Variants in NRXN1 observed in about 807,000 individuals in gnomAD.
The protein encoded by NRXN1 is neurexin 1, also known as neurexin-1.
A neutral mutation model predicts 150.9 loss-of-function variants in NRXN1; 39 were observed. The observed-to-expected ratio is 0.26, with a 90% CI of 0.20 to 0.34. The LOEUF (loss-of-function observed/expected upper bound fraction) is 0.34. NRXN1 is among the 10% of genes least tolerant of loss of function. The pLI, the probability that NRXN1 is intolerant of heterozygous loss-of-function variation, is 1.00. For synonymous variants in NRXN1, 924 were observed against 757.0 expected, an observed-to-expected ratio of 1.22 and a Z score of -3.62; for missense variants, 1,815 against 1,949.9, an observed-to-expected ratio of 0.93 and a Z score of 1.30.
chr2:50,077,010 T>G (rs1268552160), intron 19 of NRXN1, among the ~76,000 whole-genome samples: 1 of 152,192 alleles, frequency 6.6e-6, no homozygotes, highest in African/African-American at 2.4e-5. Flanking sequence ...TACAAAGCAC[T>G]GGAGTAGGCT....
intron 12 of NRXN1, among the ~76,000 whole-genome samples, chr2:50,513,112 C>T (rs1378201226): frequency 2.6e-5 from 4 of 152,060 alleles, no homozygotes; most frequent in Admixed American, 1.3e-4. Flanking sequence ...TAATGCCTAC[C>T]TTATTTCATA....
chr2:50,499,637 C>T (rs1227545768), intron 13 of NRXN1, among the ~76,000 whole-genome samples: 2 of 152,010 alleles, frequency 1.3e-5, no homozygotes, highest in Non-Finnish European at 2.9e-5. Flanking sequence ...AAGCTAAGTA[C>T]AATGAAGAAT....
chr2:51,018,860 G>A (rs1457949245), intron 2 of NRXN1, among the ~76,000 whole-genome samples: 4 of 151,972 alleles, frequency 2.6e-5, no homozygotes, highest in Non-Finnish European at 5.9e-5. Context: ...AATATTTTGG[G>A]GCTTTACTGC....
chr2:50,066,969 G>A (rs1189065850), intron 19 of NRXN1, among the ~76,000 whole-genome samples: 1 of 152,160 alleles, frequency 6.6e-6, no homozygotes, highest in Non-Finnish European at 1.5e-5. Context: ...AAGAGGGGGT[G>A]GTGCAACTCA....
At chr2:50,846,837 T>C (rs1222504676) in intron 5 of NRXN1, among the ~76,000 whole-genome samples, 1 of 152,182 alleles carries the variant, frequency 6.6e-6, no homozygotes, top group Admixed American at 6.5e-5. Flanking sequence ...GAAAAGCATA[T>C]AAATTTATTT....
At chr2:50,607,036 G>A (rs548938557) in intron 8 of NRXN1, among the ~76,000 whole-genome samples, 82 of 152,180 alleles carry the variant, frequency 5.4e-4, no homozygotes, top group African/African-American at 1.9e-3. Flanking sequence ...ATCTAACGAA[G>A]CCTAATTTAG....
chr2:50,401,370 G>C (rs2082379425), intron 17 of NRXN1, among the ~76,000 whole-genome samples: 1 of 152,152 alleles, frequency 6.6e-6, no homozygotes. Flanking sequence ...CTGCAGGACA[G>C]TCAGGAGATG....
At chr2:50,550,234 TTTG>T (rs1284350805) in intron 9 of NRXN1, among the ~76,000 whole-genome samples, 1 of 152,066 alleles carries the variant, frequency 6.6e-6, no homozygotes, top group Non-Finnish European at 1.5e-5. Flanking sequence ...TTTGTGTTGT[TTTG>T]TTGTTTTGAG....
intron 8 of NRXN1, among the ~76,000 whole-genome samples, chr2:50,556,323 A>C (rs1668248982): frequency 6.6e-6 from 1 of 152,124 alleles, no homozygotes. Context: ...ACAATGTGGC[A>C]CTCAATCATG....
chr2:50,968,696 G>C (rs1378853484), intron 2 of NRXN1, among the ~76,000 whole-genome samples: 1 of 151,552 alleles, frequency 6.6e-6, no homozygotes, highest in Admixed American at 6.6e-5. Flanking sequence ...AATTCCCCTA[G>C]TGTTGCCCCG....
Position 50,224,673 on chromosome 2 carries a change from AAGAGAGAGAGAGAGGGAGAAAGAG to A in NRXN1, c.3546+12092_3546+12115del, listed in dbSNP as rs1201125612. On this transcript the variant is annotated intron_variant, in intron 18 of 22. Transcript: ENST00000401669. ...TAGAGGTTGGCACAGCAGAAGATTA[AAGAGAGAGAGAGAGGGAGAAAGAG>A]AGAGAGAGAGAGAGAGAGAGAGAGA... Among the ~76,000 whole-genome samples, 47 of 140,436 alleles carry A rather than the reference AAGAGAGAGAGAGAGGGAGAAAGAG, an allele frequency of 3.3e-4. 1 individual carries two copies. Among genetic ancestry groups the A allele is most frequent in the African/African-American group, 1.3e-3 (47 of 36,602 alleles). The allele number at this position is 140,436 out of a possible 152,430, so 92.1% of individuals were successfully genotyped here.
At chr2:50,187,338 C>T (rs1357911342) in intron 18 of NRXN1, among the ~76,000 whole-genome samples, 3 of 152,016 alleles carry the variant, frequency 2.0e-5, no homozygotes, top group Non-Finnish European at 4.4e-5. Flanking sequence ...ATTTAATTAA[C>T]ATTTAAAACA....
chr2:50,614,664 A>T (rs142799734), intron 8 of NRXN1, among the ~76,000 whole-genome samples: 1,990 of 115,042 alleles, frequency 0.017, 40 homozygotes, highest in African/African-American at 0.059. Flanking sequence ...TATATAAAAT[A>T]AAAAAAAAAC....
chr2:50,794,723 C>T lies in NRXN1; in HGVS notation c.832+127146G>A, dbSNP rs368688197. 2.6e-5 allele frequency among the ~76,000 whole-genome samples: 4 copies of T among 152,140 alleles called. No individual in the cohort carries two copies. The East Asian group carries it at 5.8e-4, about 22-fold the overall frequency. ...AAGTATGCATATTTTTAAATAAATG[C>T]GAATGGAACACTGTCAAATAAGCAA... On this transcript the variant is annotated intron_variant, in intron 5 of 22. Transcript: ENST00000401669.
At chr2:50,788,073 T>A (rs778079621) in intron 5 of NRXN1, among the ~76,000 whole-genome samples, 1 of 151,828 alleles carries the variant, frequency 6.6e-6, no homozygotes, top group Non-Finnish European at 1.5e-5. Context: ...CTATCTTGCC[T>A]GCTTTATTAT....
At chr2:50,842,275 T>C (rs1478001473) in intron 5 of NRXN1, among the ~76,000 whole-genome samples, 2 of 152,200 alleles carry the variant, frequency 1.3e-5, no homozygotes, top group Non-Finnish European at 2.9e-5. Context: ...AGATATGTGT[T>C]AATATATCCA....
intron 2 of NRXN1, among the ~76,000 whole-genome samples, chr2:50,988,614 A>G (rs1417379621): frequency 6.6e-6 from 1 of 151,984 alleles, no homozygotes; most frequent in East Asian, 1.9e-4. Context: ...CCCTTAGGGT[A>G]TCTAAATCAA....
intron 5 of NRXN1, chr2:50,632,983 TG>T (rs1246114361): frequency 6.6e-6 from 1 of 152,232 alleles, no homozygotes; most frequent in East Asian, 1.9e-4. Context: ...AAATTCTCTG[TG>T]GGTTTGTAAA....
Position 49,962,540 on chromosome 2 carries a change from T to C in NRXN1, c.4129-18749A>G, listed in dbSNP as rs75660346. Among the ~76,000 whole-genome samples, 486 of 152,312 alleles carry C rather than the reference T, an allele frequency of 3.2e-3. 2 individuals are homozygous for C. The highest frequency in any genetic ancestry group is 5.2e-3 in the Non-Finnish European group (354 of 68,026). On this transcript the variant is annotated intron_variant, in intron 21 of 22. Coordinates refer to ENST00000401669, the MANE Select transcript of NRXN1 (RefSeq NM_001330078.2). ...TGACTAAGAGTTCTATGTAACCCAT[T>C]GACCTGGGGCAAATCACTCCTCATC...
Sources: allele counts gnomAD v4.1 joint callset (sites outside exome capture counted in the v4.1 genomes callset), GRCh38; gene constraint gnomAD v4.1.1; transcripts MANE v1.5; gene names NCBI Gene and HGNC (gene_info 2026-07-23, HGNC 2026-07-21).